Variants in WIPI2 observed in about 807,000 individuals in gnomAD.
WIPI2 encodes WD repeat domain phosphoinositide-interacting protein 2.
In WIPI2, 28 loss-of-function variants were observed where a neutral mutation model predicts 52.3. That is an observed-to-expected ratio of 0.54 (90% confidence interval 0.40 to 0.73). WIPI2 has a LOEUF of 0.73. Ranked by LOEUF, WIPI2 falls within the 30% of genes least tolerant of loss-of-function variation. WIPI2 has a pLI of 0.00. For missense variants in WIPI2, 506 were observed against 602.9 expected (o/e 0.84, Z 1.68); for synonymous variants, 268 against 245.0 (o/e 1.09, Z -0.88).
intron 8 of WIPI2, among the ~76,000 whole-genome samples, chr7:5,224,327 C>G (rs777022752): frequency 5.9e-5 from 9 of 152,234 alleles, no homozygotes; most frequent in Non-Finnish European, 1.5e-5. Context: ...GGTTAAATCC[C>G]TTTCTCCATG....
chr7:5,227,425 C>G lies in WIPI2; in HGVS notation c.1013+81C>G, dbSNP rs975175779. ...CAGTCCTGGCGGCTTGTGGCCCCTTCCGTGCTTCTGAACAGGAGCAGCTTC... is the reference window on the plus strand; with the variant it reads ...CAGTCCTGGCGGCTTGTGGCCCCTTGCGTGCTTCTGAACAGGAGCAGCTTC... On this transcript the variant is annotated intron_variant, in intron 10 of 12. Transcript: ENST00000288828. The surrounding 1 kb of genome is among the most constrained non-coding windows in gnomAD (Gnocchi z 8.1). 1 of 1,540,468 alleles carries G rather than the reference C, an allele frequency of 6.5e-7. No individual in the cohort carries two copies. Among genetic ancestry groups the G allele is most frequent in the Non-Finnish European group, 8.7e-7 (1 of 1,146,640 alleles).
rs566541848 is a variant in WIPI2, at chr7:5,203,625, C to T, written c.211+3967C>T. On this transcript the variant is annotated intron_variant, in intron 3 of 12. Transcript: ENST00000288828. The stretch of plus-strand genomic sequence containing the variant: ...GAAGTCACTAAAGTTTACGTTCAGC[C>T]TTTTTTTTTTTTTTTTTTTTTTTTT... 8.9e-3 allele frequency among the ~76,000 whole-genome samples: 590 copies of T among 66,460 alleles called. 4 individuals are homozygous for T. Among genetic ancestry groups the T allele is most frequent in the African/African-American group, 0.033 (578 of 17,520 alleles). 43.6% of individuals were successfully genotyped at this position (66,460 alleles called of 152,430 possible).
chr7:5,202,889 A>G (rs1265366986), intron 3 of WIPI2, among the ~76,000 whole-genome samples: 2 of 152,220 alleles, frequency 1.3e-5, no homozygotes, highest in African/African-American at 4.8e-5. Flanking sequence ...TGGGTTTATT[A>G]TTTGTAAAAG....
At chr7:5,214,797 C>A in intron 4 of WIPI2, 93 bp downstream of exon 4, 1 of 1,428,186 alleles carries the variant, frequency 7.0e-7, no homozygotes, top group Non-Finnish European at 9.7e-7. Context: ...CTCCGTCATT[C>A]CCTTGCTGCC....
Position 5,228,055 on chromosome 7 carries a change from C to T in WIPI2, c.1014-49C>T, listed in dbSNP as rs377274881. The T allele has an allele frequency of 1.6e-5, 25 of 1,581,444 alleles. No homozygotes were observed. The African/African-American group carries it at 1.8e-4, about 11-fold the overall frequency. ...AAGTGAGGCCGCCATGTAGTAAGAC[C>T]GTTTCTGTGACAGTTGTCTAGAATT... On this transcript the variant is annotated intron_variant, in intron 10 of 12. Transcript: ENST00000288828.
chr7:5,208,476 C>G (rs895210549), intron 3 of WIPI2, among the ~76,000 whole-genome samples: 3 of 150,882 alleles, frequency 2.0e-5, no homozygotes, highest in African/African-American at 7.3e-5. Flanking sequence ...GTCCAGGAAA[C>G]TTTTGCCTAC....
rs761640932 is a variant in WIPI2 at position 5,193,136 on chromosome 7, A to G, written c.93A>G (p.Ser31=). The G allele has an allele frequency of 5.0e-6, 8 of 1,614,064 alleles. No homozygotes were observed. The highest frequency in any genetic ancestry group is 6.8e-6 in the Non-Finnish European group (8 of 1,179,994). The change falls in exon 2 of 13, where the codon TCA becomes TCG. Residue 31 remains serine (S), a synonymous_variant. Transcript: ENST00000288828. ...NQDNTEVKGA[S]RAAGLGRRAV... is the part of the protein sequence containing the mutation. ...TACCTAGAGAAGTGAAAGGGGCATC[A>G]AGAGCAGCTGGTCTTGGCCGTCGCG...
intron 11 of WIPI2, among the ~76,000 whole-genome samples, chr7:5,229,166 C>G (rs1048128144): frequency 5.3e-5 from 8 of 152,214 alleles, no homozygotes; most frequent in African/African-American, 1.9e-4. Context: ...CAGGTGCATG[C>G]CACCATGCCC....
chr7:5,204,732 C>T (rs1034937175), intron 3 of WIPI2, among the ~76,000 whole-genome samples: 1 of 152,064 alleles, frequency 6.6e-6, no homozygotes, highest in South Asian at 2.1e-4. Flanking sequence ...CGCTCTGTCA[C>T]TCATGCAGTG....
intron 7 of WIPI2, chr7:5,218,695 T>G (rs1052490743): frequency 2.0e-5 from 3 of 152,262 alleles, no homozygotes; most frequent in African/African-American, 7.2e-5. Flanking sequence ...AGATGGCCTC[T>G]AAATGTCCCC....
chr7:5,228,824 G>A (rs1034789006), intron 11 of WIPI2, among the ~76,000 whole-genome samples: 40 of 152,162 alleles, frequency 2.6e-4, no homozygotes, highest in African/African-American at 9.4e-4. Context: ...GACCTCCCAG[G>A]TTCAAGGGAT....
At chr7:5,204,506 T>C (rs1410899121) in intron 3 of WIPI2, among the ~76,000 whole-genome samples, 9 of 152,134 alleles carry the variant, frequency 5.9e-5, no homozygotes, top group Non-Finnish European at 1.3e-4. Flanking sequence ...TAGAAAAATA[T>C]TAGAGCATCT....
chr7:5,214,240 G>C (rs1782700454), intron 3 of WIPI2: 3 of 1,339,366 alleles, frequency 2.2e-6, no homozygotes, highest in African/African-American at 2.9e-5. Context: ...TAGGAGTTTG[G>C]TTCCTAAACT....
intron 3 of WIPI2, among the ~76,000 whole-genome samples, chr7:5,212,149 C>G (rs1782591054): frequency 6.6e-6 from 1 of 152,112 alleles, no homozygotes; most frequent in Admixed American, 6.6e-5. Context: ...TCCGTTCAGC[C>G]AGTGTGGAAG....
At chr7:5,215,688 A>G (rs1224921714) in intron 4 of WIPI2, among the ~76,000 whole-genome samples, 1 of 152,236 alleles carries the variant, frequency 6.6e-6, no homozygotes, top group Admixed American at 6.5e-5. Flanking sequence ...GAAACTAGGA[A>G]GTGGTCTGTT....
intron 5 of WIPI2, 161 bp downstream of exon 5, chr7:5,216,820 G>T: frequency 1.4e-6 from 1 of 737,762 alleles, no homozygotes; most frequent in Non-Finnish European, 2.2e-6. Context: ...TGCTGGTCAT[G>T]TGACCACATA....
At chr7:5,200,558 TTTG>T (rs201571657) in intron 3 of WIPI2, among the ~76,000 whole-genome samples, 5 of 25,128 alleles carry the variant, frequency 2.0e-4, no homozygotes, top group Admixed American at 6.6e-4. Context: ...GTCTTTTTTG[TTTG>T]TTTTTTTTTG....
Position 5,199,580 on chromosome 7 carries a change from C to T in WIPI2, c.133C>T (p.Leu45=), listed in dbSNP as rs1562386438. 6.2e-7 allele frequency: 1 copy of T among 1,612,676 alleles called. No homozygotes were observed. Among genetic ancestry groups the T allele is most frequent in the Non-Finnish European group, 8.5e-7 (1 of 1,179,688 alleles). Residue 45 remains leucine (L), a synonymous_variant, in exon 3 of 13, where the codon CTA becomes TTA. Transcript: ENST00000288828. ...GLGRRAVVWS[L]AVGSKSGYKF... Reference sequence around the variant, plus strand: ...CTGAATTTGGCTTTTTTGCAGGTCCCTAGCTGTTGGTAGTAAGTCCGGTTA... The same window carrying T: ...CTGAATTTGGCTTTTTTGCAGGTCCTTAGCTGTTGGTAGTAAGTCCGGTTA...
At chr7:5,191,867 G>T (rs766047033) in intron 1 of WIPI2, among the ~76,000 whole-genome samples, 76 of 152,334 alleles carry the variant, frequency 5.0e-4, no homozygotes, top group Non-Finnish European at 9.1e-4. Context: ...TGTGAAGACA[G>T]TCGCACAGTG....
Sources: gnomAD v4.1 joint callset for allele counts (sites outside exome capture counted in the v4.1 genomes callset) on GRCh38, gnomAD v4.1.1 for gene constraint, Gnocchi (gnomAD v3.1) non-coding constraint, MANE v1.5 for transcripts, NCBI Gene and HGNC (gene_info 2026-07-23, HGNC 2026-07-21) for gene names.